THSD7B: variants seen among roughly 807,000 people sequenced by gnomAD.
THSD7B encodes thrombospondin type-1 domain-containing protein 7B.
A neutral mutation model predicts 213.6 loss-of-function variants in THSD7B; 138 were observed. That is an observed-to-expected ratio of 0.65 (90% confidence interval 0.56 to 0.74). The LOEUF is 0.74. THSD7B is among the 30% of genes least tolerant of loss of function. The pLI is 0.00. For missense variants in THSD7B, 1,931 were observed against 1,991.5 expected (o/e 0.97, Z 0.58); for synonymous variants, 742 against 687.0 (o/e 1.08, Z -1.25).
At chr2:137,305,640 T>C (rs550912717) in intron 12 of THSD7B, among the ~76,000 whole-genome samples, 3 of 152,256 alleles carry the variant, frequency 2.0e-5, no homozygotes, top group East Asian at 3.9e-4. Flanking sequence ...TCAGCAACAA[T>C]GCAGATGAAC....
chr2:137,039,863 A>G (rs1383768941), intron 2 of THSD7B, among the ~76,000 whole-genome samples: 1 of 152,226 alleles, frequency 6.6e-6, no homozygotes, highest in Non-Finnish European at 1.5e-5. Flanking sequence ...GTAAGCATTT[A>G]AGGCTGATTT....
chr2:136,962,357 T>TTACA (rs1038341596), intron 2 of THSD7B, among the ~76,000 whole-genome samples: 1 of 149,910 alleles, frequency 6.7e-6, no homozygotes, highest in African/African-American at 2.4e-5. Context: ...GGTAATTGGT[T>TTACA]TACAGAGGCA....
At chr2:137,675,401 GCCATATATATATATAT>G in intron 27 of THSD7B, among the ~76,000 whole-genome samples, 1 of 104,808 alleles carries the variant, frequency 9.5e-6, no homozygotes, top group African/African-American at 4.1e-5. Context: ...CTAAATGAAT[GCCATATATATATATAT>G]ATATATATAT....
intron 1 of THSD7B, among the ~76,000 whole-genome samples, chr2:136,878,271 T>A (rs765252578): frequency 2.6e-4 from 39 of 152,358 alleles, no homozygotes; most frequent in Non-Finnish European, 4.9e-4. Context: ...GGCTGCATAG[T>A]ATTCCATGGT....
At chr2:137,433,860 C>T (rs1687237625) in intron 14 of THSD7B, among the ~76,000 whole-genome samples, 1 of 152,138 alleles carries the variant, frequency 6.6e-6, no homozygotes, top group Non-Finnish European at 1.5e-5. Flanking sequence ...TTTGTAACCC[C>T]CAATCTGAGT....
chr2:136,897,940 G>A (rs1683991627), intron 2 of THSD7B, among the ~76,000 whole-genome samples: 1 of 150,304 alleles, frequency 6.7e-6, no homozygotes, highest in Non-Finnish European at 1.5e-5. Flanking sequence ...GCTAGACACA[G>A]AGCGCTTGCG....
At chr2:137,062,429 C>T (rs1296983073) in intron 3 of THSD7B, among the ~76,000 whole-genome samples, 1 of 151,578 alleles carries the variant, frequency 6.6e-6, no homozygotes, top group East Asian at 1.9e-4. Flanking sequence ...ACTTAGGTTA[C>T]TCATTTGAGA....
At chr2:137,211,459 C>T (rs1030429342) in intron 7 of THSD7B, among the ~76,000 whole-genome samples, 3 of 151,606 alleles carry the variant, frequency 2.0e-5, no homozygotes, top group African/African-American at 7.3e-5. Flanking sequence ...AAAAATTAAA[C>T]CATCACATTA....
chr2:137,326,561 G>T (rs1274337997), intron 12 of THSD7B, among the ~76,000 whole-genome samples: 3 of 152,174 alleles, frequency 2.0e-5, no homozygotes, highest in African/African-American at 7.2e-5. Flanking sequence ...AGAGAAAACG[G>T]TGGCTCTGTT....
In THSD7B at chr2:137,120,244, T is replaced by C. The variant is rs369693689; in HGVS notation, c.1369+4951T>C. The stretch of plus-strand genomic sequence containing the variant: ...GAAACCTCTTCAATTATTGAAATCA[T>C]AGGTGTAGGAGAAAGTCAGCAAAGG... On this transcript the variant is annotated intron_variant, in intron 5 of 27. Transcript: ENST00000409968. 5.0e-4 allele frequency among the ~76,000 whole-genome samples: 76 copies of C among 152,208 alleles called. 2 individuals carry two copies. The South Asian group carries it at 0.014, about 27-fold the overall frequency.
intron 17 of THSD7B, among the ~76,000 whole-genome samples, chr2:137,610,516 G>A (rs1402023526): frequency 6.6e-6 from 1 of 152,090 alleles, no homozygotes; most frequent in Non-Finnish European, 1.5e-5. Context: ...ATATGTGTGA[G>A]CCCATGGTCA....
intron 12 of THSD7B, among the ~76,000 whole-genome samples, chr2:137,396,036 T>C (rs1162727402): frequency 6.6e-6 from 1 of 152,164 alleles, no homozygotes; most frequent in Non-Finnish European, 1.5e-5. Flanking sequence ...TTATTGTGTC[T>C]ATTTGATTCT....
Position 137,385,535 on chromosome 2 carries a change from CTTCCAGGGT to C in THSD7B, c.2501-20075_2501-20067del, listed in dbSNP as rs546445563. Among the ~76,000 whole-genome samples, 395 of 152,334 alleles carry C rather than the reference CTTCCAGGGT, an allele frequency of 2.6e-3. 2 individuals carry two copies. The highest frequency in any genetic ancestry group is 8.9e-3 in the African/African-American group (371 of 41,586). Reference sequence around the variant, plus strand: ...CTTCTGCCCAGTGGTCTTGAGCCAGCTTCCAGGGTTTGCAGGGGCCTCTACTCTGAGTCT... The same window carrying C: ...CTTCTGCCCAGTGGTCTTGAGCCAGCTTGCAGGGGCCTCTACTCTGAGTCT... On this transcript the variant is annotated intron_variant, in intron 12 of 27. Coordinates refer to ENST00000409968, the MANE Select transcript of THSD7B (RefSeq NM_001316349.2).
intron 1 of THSD7B, among the ~76,000 whole-genome samples, chr2:136,774,028 G>A (rs903410654): frequency 7.2e-5 from 11 of 151,990 alleles, no homozygotes; most frequent in Admixed American, 1.3e-4. Context: ...CATTTTGGAA[G>A]AGGGGGCATG....
chr2:137,024,690 TAC>T (rs147887943), intron 2 of THSD7B, among the ~76,000 whole-genome samples: 7 of 151,262 alleles, frequency 4.6e-5, no homozygotes, highest in South Asian at 2.1e-4. Context: ...GATAAAAGTG[TAC>T]ACACACACAC....
chr2:137,009,598 C>A (rs564350672), intron 2 of THSD7B, among the ~76,000 whole-genome samples: 21 of 152,186 alleles, frequency 1.4e-4, no homozygotes, highest in African/African-American at 4.6e-4. Context: ...GGGAAAGGTG[C>A]GTCTTACATG....
chr2:137,628,599 C>T (rs1482278568), intron 20 of THSD7B, among the ~76,000 whole-genome samples: 3 of 152,144 alleles, frequency 2.0e-5, no homozygotes, highest in Non-Finnish European at 4.4e-5. Context: ...GTTGGTTGCG[C>T]CTCTGTCCAG....
At chr2:137,235,131 A>G (rs1681735591) in intron 9 of THSD7B, among the ~76,000 whole-genome samples, 1 of 152,210 alleles carries the variant, frequency 6.6e-6, no homozygotes, top group Non-Finnish European at 1.5e-5. Flanking sequence ...AAGTTTTATA[A>G]AGGTGTTACG....
At chr2:137,519,370 T>C (rs1213394507) in intron 15 of THSD7B, among the ~76,000 whole-genome samples, 1 of 152,216 alleles carries the variant, frequency 6.6e-6, no homozygotes, top group Non-Finnish European at 1.5e-5. Flanking sequence ...CTAATATTAT[T>C]AGAACAGTTA....
Sources: gnomAD v4.1 joint callset for allele counts (sites outside exome capture counted in the v4.1 genomes callset) on GRCh38, gnomAD v4.1.1 for gene constraint, MANE v1.5 for transcripts, NCBI Gene and HGNC (gene_info 2026-07-23, HGNC 2026-07-21) for gene names.